Variants in STARD13 observed in about 807,000 individuals in gnomAD.
STARD13 encodes the protein StAR related lipid transfer domain containing 13, also known as stAR-related lipid transfer protein 13.
A neutral mutation model predicts 106.4 loss-of-function variants in STARD13; 62 were observed. The observed-to-expected ratio is 0.58, with a 90% confidence interval of 0.48 to 0.72. The LOEUF is 0.72. Among genes scored for constraint, STARD13 ranks in the 30% least tolerant of loss-of-function variants. The pLI, the probability that STARD13 is intolerant of heterozygous loss-of-function variation, is 0.00. For missense variants in STARD13, 1,387 were observed against 1,424.0 expected (o/e 0.97, Z 0.42); for synonymous variants, 565 against 553.0 (o/e 1.02, Z -0.31).
chr13:33,292,427 C>T (rs912815700), intron 1 of STARD13, among the ~76,000 whole-genome samples: 5 of 113,186 alleles, frequency 4.4e-5, no homozygotes, highest in African/African-American at 1.6e-4. Context: ...CCCATCTCTA[C>T]AAAAAAAAAA....
At chr13:33,181,799 G>C (rs955211352) in intron 1 of STARD13, among the ~76,000 whole-genome samples, 2 of 152,196 alleles carry the variant, frequency 1.3e-5, no homozygotes, top group Non-Finnish European at 2.9e-5. Context: ...GACTAGGATT[G>C]TTGCTTCTGC....
chr13:33,229,608 C>A (rs185188788), intron 1 of STARD13, among the ~76,000 whole-genome samples: 1 of 152,288 alleles, frequency 6.6e-6, no homozygotes, highest in East Asian at 1.9e-4. Flanking sequence ...TGCACGCGTG[C>A]ACACACACCA....
At chr13:33,486,610 C>T in the STARD13 span, among the ~76,000 whole-genome samples, 3 of 152,086 alleles carry the variant, frequency 2.0e-5, no homozygotes, top group Admixed American at 2.0e-4. Flanking sequence ...GTCCTCTTTC[C>T]ATCTTTCCTT....
At chr13:33,191,114 T>C (rs1215579048) in intron 1 of STARD13, among the ~76,000 whole-genome samples, 16 of 152,268 alleles carry the variant, frequency 1.1e-4, no homozygotes, top group Admixed American at 9.2e-4. Context: ...AGTAAGGTCA[T>C]GTCAAAAACT....
At chr13:33,227,699 G>A (rs971600268) in intron 1 of STARD13, among the ~76,000 whole-genome samples, 1 of 152,168 alleles carries the variant, frequency 6.6e-6, no homozygotes, top group Non-Finnish European at 1.5e-5. Flanking sequence ...GGGTACAACA[G>A]GGAGGCAAGA....
the STARD13 span, among the ~76,000 whole-genome samples, chr13:33,649,168 A>G: frequency 3.6e-4 from 55 of 152,292 alleles, no homozygotes; most frequent in Non-Finnish European, 6.6e-4. Context: ...GAGTCCAGAT[A>G]ATTAGCAAAA....
chr13:33,131,350 C>T (rs1878260489), intron 4 of STARD13, among the ~76,000 whole-genome samples: 1 of 152,166 alleles, frequency 6.6e-6, no homozygotes, highest in African/African-American at 2.4e-5. Context: ...GGATCTGTTA[C>T]AGTAAAAATG....
At chr13:33,366,773 C>T in the STARD13 span, among the ~76,000 whole-genome samples, 9 of 152,224 alleles carry the variant, frequency 5.9e-5, no homozygotes, top group Non-Finnish European at 1.2e-4. The surrounding 1 kb of genome is among the most constrained non-coding windows in gnomAD (Gnocchi z 4.2). Flanking sequence ...TATTGGACCT[C>T]TGGATTAATG....
intron 9 of STARD13, 78 bp from the exon 10 acceptor site, chr13:33,111,970 T>A: frequency 2.3e-6 from 2 of 887,890 alleles, no homozygotes; most frequent in South Asian, 2.8e-5. Context: ...CCCTTTTGTT[T>A]TCTGTTTATA....
chr13:33,127,690 G>A (rs1877419973), intron 5 of STARD13, 144 bp from the exon 6 acceptor site: 3 of 745,374 alleles, frequency 4.0e-6, no homozygotes, highest in South Asian at 2.2e-5. Context: ...GAAGACACAA[G>A]TGTGCAGAAT....
intron 1 of STARD13, among the ~76,000 whole-genome samples, chr13:33,292,149 A>G (rs779994295): frequency 9.2e-5 from 14 of 152,214 alleles, no homozygotes; most frequent in Non-Finnish European, 1.5e-4. Context: ...TATGCAAGCC[A>G]TGAAGTCCTG....
chr13:33,666,862 G>C, the STARD13 span, among the ~76,000 whole-genome samples: 2 of 152,206 alleles, frequency 1.3e-5, no homozygotes, highest in African/African-American at 4.8e-5. Flanking sequence ...AAAGTGCTGG[G>C]ATTACAGGCG....
At chr13:33,549,135 T>A in the STARD13 span, among the ~76,000 whole-genome samples, 1 of 152,222 alleles carries the variant, frequency 6.6e-6, no homozygotes, top group Non-Finnish European at 1.5e-5. Flanking sequence ...TTCATACAGT[T>A]CAGCAAAGGA....
At chr13:33,498,897 G>T in the STARD13 span, among the ~76,000 whole-genome samples, 1 of 152,132 alleles carries the variant, frequency 6.6e-6, no homozygotes, top group Non-Finnish European at 1.5e-5. Flanking sequence ...CAGCACTTTC[G>T]GAGGCCGAGG....
At chr13:33,513,805 T>A in the STARD13 span, among the ~76,000 whole-genome samples, 1 of 152,192 alleles carries the variant, frequency 6.6e-6, no homozygotes, top group Admixed American at 6.6e-5. Flanking sequence ...CATTCTGGTT[T>A]GTTTAATAGC....
At chr13:33,167,015 C>A (rs115579242) in intron 2 of STARD13, among the ~76,000 whole-genome samples, 18,017 of 138,830 alleles carry the variant, frequency 0.13, 1,556 homozygotes, top group East Asian at 0.29. Context: ...AAAAAAAAAC[C>A]AAAAAAAAAT....
the STARD13 span, among the ~76,000 whole-genome samples, chr13:33,655,812 GTTCTGGAATTGGT>G: frequency 1.3e-5 from 2 of 152,178 alleles, no homozygotes; most frequent in African/African-American, 4.8e-5. Context: ...CTAGAAGGAG[GTTCTGGAATTGGT>G]TCCCAGAACT....
the STARD13 span, among the ~76,000 whole-genome samples, chr13:33,394,770 G>A: frequency 6.6e-6 from 1 of 152,206 alleles, no homozygotes; most frequent in African/African-American, 2.4e-5. Context: ...TGTGAAAGAT[G>A]TGAAAAGGAA....
chr13:33,235,915 G>A (rs1412189164), intron 1 of STARD13, among the ~76,000 whole-genome samples: 1 of 152,138 alleles, frequency 6.6e-6, no homozygotes. Context: ...ATGTTCCGTT[G>A]GTAAATGAAC....
Sources: gnomAD v4.1 joint callset for allele counts (sites outside exome capture counted in the v4.1 genomes callset) on GRCh38, gnomAD v4.1.1 for gene constraint, Gnocchi (gnomAD v3.1) non-coding constraint, MANE v1.5 for transcripts, NCBI Gene and HGNC (gene_info 2026-07-23, HGNC 2026-07-21) for gene names.